USH2A: variants seen among roughly 807,000 people sequenced by gnomAD.
The protein encoded by USH2A is Usher syndrome 2A (autosomal recessive, mild).
In USH2A, 443 loss-of-function variants were observed where a neutral mutation model predicts 538.9. The observed-to-expected ratio is 0.82, with a 90% CI of 0.76 to 0.89. The LOEUF is 0.89. Ranked by LOEUF, USH2A falls within the 40% of genes least tolerant of loss-of-function variation. The pLI is 0.00. For synonymous variants in USH2A, 2,413 were observed against 2,273.5 expected (o/e 1.06, Z -1.75); for missense variants, 6,633 against 6,324.8 (o/e 1.05, Z -1.65).
intron 41 of USH2A, among the ~76,000 whole-genome samples, chr1:215,883,543 A>G (rs576265449): frequency 6.6e-6 from 1 of 151,862 alleles, no homozygotes; most frequent in East Asian, 1.9e-4. Context: ...TAACATTAAC[A>G]TTTTTAATTT....
chr1:216,320,564 C>T (rs562070416), intron 9 of USH2A, among the ~76,000 whole-genome samples: 3 of 152,228 alleles, frequency 2.0e-5, no homozygotes, highest in African/African-American at 7.2e-5. Context: ...TGTCAATTGG[C>T]AATCCCATCA....
Position 215,900,903 on chromosome 1 carries a change from G to C in USH2A, c.7303C>G (p.Pro2435Ala). 1.2e-6 allele frequency: 2 copies of C among 1,613,384 alleles called. No individual in the cohort carries two copies. The highest frequency in any genetic ancestry group is 1.7e-6 in the Non-Finnish European group (2 of 1,179,608). The change falls in exon 39 of 72, where the codon CCA (proline) becomes GCA (alanine). Residue 2435 changes from proline to alanine, a missense_variant and splice_region_variant. Pro to Ala is a conservative substitution (Grantham distance 27). Coordinates refer to ENST00000307340, the MANE Select transcript of USH2A (RefSeq NM_206933.4). ...AGCCTGGGAGGCAGCACGCCATCTG[G>C]AGCTGTCGAAAAACACAGATGAATT... ...PITIAMPPGA[P>A]DGVLPPRLSS...
At chr1:215,901,150 G>A (rs1665488774) in intron 38 of USH2A, 2 of 528,028 alleles carry the variant, frequency 3.8e-6, no homozygotes, top group Non-Finnish European at 6.9e-6. Context: ...AAATGAATAT[G>A]CAGCACATTC....
chr1:215,861,465 T>C (rs537611884), intron 44 of USH2A, among the ~76,000 whole-genome samples: 1 of 152,332 alleles, frequency 6.6e-6, no homozygotes, highest in East Asian at 1.9e-4. Context: ...AGCTTCAAAG[T>C]GATCAAAACA....
intron 32 of USH2A, among the ~76,000 whole-genome samples, chr1:216,013,218 C>T (rs943497547): frequency 1.3e-5 from 2 of 151,272 alleles, no homozygotes; most frequent in East Asian, 3.9e-4. Flanking sequence ...CAGGCCATCA[C>T]CAATAATTCT....
intron 36 of USH2A, among the ~76,000 whole-genome samples, chr1:215,968,958 A>G (rs1667426690): frequency 1.3e-5 from 2 of 152,192 alleles, no homozygotes; most frequent in Admixed American, 6.5e-5. Flanking sequence ...ATAAGGACAC[A>G]TTAAAAGAAT....
chr1:216,196,532 A>G (rs2034847628), intron 19 of USH2A, 21 bp downstream of exon 19: 5 of 1,612,868 alleles, frequency 3.1e-6, no homozygotes, highest in African/African-American at 1.3e-5. Context: ...CTGAAAGGAC[A>G]TTAGTTAAAA....
intron 49 of USH2A, among the ~76,000 whole-genome samples, chr1:215,811,932 C>A (rs1472336040): frequency 9.6e-5 from 14 of 145,388 alleles, no homozygotes; most frequent in African/African-American, 3.5e-4. Context: ...AATAAAAAAA[C>A]AAACAAAAAA....
At chr1:216,067,642 G>C (rs529165153) in intron 30 of USH2A, among the ~76,000 whole-genome samples, 1 of 152,164 alleles carries the variant, frequency 6.6e-6, no homozygotes, top group African/African-American at 2.4e-5. Context: ...TGACAACTGT[G>C]GATATGAGGT....
rs572561440 is a variant in USH2A at position 215,647,613 on chromosome 1, C to T, written c.14700G>A (p.Gln4900=). ...CTCTCAGCTTGTATGTGGTGTAGGG[C>T]TGGAGACCCCCAAGGCTGGCTTTCT... The part of the protein sequence containing the change: ...LGQKASLGGL[Q]PYTTYKLRVV... The change falls in exon 67 of 72, where the codon CAG becomes CAA. Residue 4900 remains glutamine (Q), a synonymous_variant. Transcript: ENST00000307340. 2 of 1,614,040 alleles carry T rather than the reference C, an allele frequency of 1.2e-6. No homozygotes were observed. Among genetic ancestry groups the T allele is most frequent in the Non-Finnish European group, 1.7e-6 (2 of 1,180,040 alleles).
At chr1:216,227,067 T>C (rs902561772) in intron 14 of USH2A, among the ~76,000 whole-genome samples, 2 of 152,182 alleles carry the variant, frequency 1.3e-5, no homozygotes, top group Admixed American at 6.5e-5. Flanking sequence ...CCTCCCTTTT[T>C]CCCACCAGTG....
At chr1:215,835,915 T>C (rs1462424714) in intron 47 of USH2A, among the ~76,000 whole-genome samples, 2 of 152,178 alleles carry the variant, frequency 1.3e-5, no homozygotes, top group Admixed American at 1.3e-4. Context: ...TGTTGTATAA[T>C]ACTCTTTTTA....
chr1:215,845,613 T>C (rs1326689766), intron 45 of USH2A, among the ~76,000 whole-genome samples: 3 of 152,140 alleles, frequency 2.0e-5, no homozygotes, highest in Non-Finnish European at 2.9e-5. Context: ...TGGGCTAATA[T>C]CTCATTATTA....
intron 32 of USH2A, among the ~76,000 whole-genome samples, chr1:216,014,276 G>T (rs1340211402): frequency 3.3e-5 from 5 of 152,096 alleles, no homozygotes; most frequent in Non-Finnish European, 7.4e-5. Flanking sequence ...TGAATGGAAT[G>T]AGAGAGTTTT....
At chr1:215,758,303 T>C (rs1488177919) in intron 58 of USH2A, among the ~76,000 whole-genome samples, 10 of 141,268 alleles carry the variant, frequency 7.1e-5, no homozygotes, top group African/African-American at 2.3e-4. Flanking sequence ...AAAAAAAAAA[T>C]AGATGAGTAA....
chr1:216,043,129 T>C (rs2102521923), intron 32 of USH2A, among the ~76,000 whole-genome samples: 1 of 152,120 alleles, frequency 6.6e-6, no homozygotes, highest in Admixed American at 6.5e-5. Flanking sequence ...GAAAATAAAA[T>C]ATGAGCAACA....
chr1:215,902,492 T>C (rs961887902), intron 38 of USH2A, among the ~76,000 whole-genome samples: 1 of 152,110 alleles, frequency 6.6e-6, no homozygotes, highest in Admixed American at 6.6e-5. Flanking sequence ...TAGACACCAC[T>C]CCTGCCCCTA....
intron 38 of USH2A, among the ~76,000 whole-genome samples, chr1:215,930,435 G>C (rs662355): frequency 0.83 from 125,475 of 151,886 alleles, 51,950 homozygotes; most frequent in Admixed American, 0.84. Flanking sequence ...GAGGCAAAAT[G>C]CAGTGTATTT....
intron 4 of USH2A, among the ~76,000 whole-genome samples, chr1:216,351,407 T>C (rs954009411): frequency 1.3e-5 from 2 of 152,118 alleles, no homozygotes; most frequent in Admixed American, 6.6e-5. Flanking sequence ...AAGTTCCAGG[T>C]TGAAAGAACA....
Sources: gnomAD v4.1 joint callset for allele counts (sites outside exome capture counted in the v4.1 genomes callset) on GRCh38, gnomAD v4.1.1 for gene constraint, MANE v1.5 for transcripts, NCBI Gene and HGNC (gene_info 2026-07-23, HGNC 2026-07-21) for gene names.